GIGYF2: variants seen among roughly 807,000 people sequenced by gnomAD.
The protein encoded by GIGYF2 is GRB10-interacting GYF protein 2.
In GIGYF2, 25 loss-of-function variants were observed where a neutral mutation model predicts 208.1. The observed-to-expected ratio is 0.12, with a 90% CI of 0.09 to 0.17. The LOEUF (loss-of-function observed/expected upper bound fraction) is 0.17. Among genes scored for constraint, GIGYF2 ranks in the 10% least tolerant of loss-of-function variants. GIGYF2 has a pLI of 1.00. For missense variants in GIGYF2, 1,302 were observed against 1,579.4 expected (o/e 0.82, Z 2.98); for synonymous variants, 534 against 543.8 (o/e 0.98, Z 0.25).
At chr2:232,781,544 T>G (rs1314784833) in intron 8 of GIGYF2, among the ~76,000 whole-genome samples, 1 of 152,212 alleles carries the variant, frequency 6.6e-6, no homozygotes. Context: ...ATTTTTATAT[T>G]GAAGAAGTTG....
chr2:232,819,676 CT>C, intron 20 of GIGYF2, 150 bp from the exon 21 acceptor site: 1 of 603,476 alleles, frequency 1.7e-6, no homozygotes, highest in Non-Finnish European at 3.0e-6. Context: ...TACATGTATA[CT>C]TTTTACTCCA....
At chr2:232,814,577 C>T (rs78894363) in intron 18 of GIGYF2, among the ~76,000 whole-genome samples, 1 of 130,012 alleles carries the variant, frequency 7.7e-6, no homozygotes, top group Admixed American at 7.7e-5. Context: ...CCCCCCCCCC[C>T]AAAAAAAAAG....
At chr2:232,760,322 T>C (rs1313618829) in intron 6 of GIGYF2, 158 bp from the exon 7 acceptor site, 2 of 632,286 alleles carry the variant, frequency 3.2e-6, no homozygotes, top group Non-Finnish European at 5.7e-6. Context: ...AATGCCATTG[T>C]TGGTCTCATA....
intron 8 of GIGYF2, among the ~76,000 whole-genome samples, chr2:232,779,265 T>C (rs996464045): frequency 1.3e-5 from 2 of 152,230 alleles, no homozygotes; most frequent in African/African-American, 4.8e-5. Flanking sequence ...CATAGATTGA[T>C]GGATTGTGTC....
chr2:232,856,583 T>G (rs1690581121), intron 28 of GIGYF2, among the ~76,000 whole-genome samples: 1 of 152,036 alleles, frequency 6.6e-6, no homozygotes, highest in Admixed American at 6.6e-5. Context: ...ATCCAGCTAC[T>G]TGGGAGTCTA....
At chr2:232,732,023 T>C (rs985785944) in intron 2 of GIGYF2, among the ~76,000 whole-genome samples, 3 of 152,142 alleles carry the variant, frequency 2.0e-5, no homozygotes, top group African/African-American at 7.2e-5. Flanking sequence ...GTATTTAGAG[T>C]CTGACTTTTC....
At chr2:232,746,043 A>C (rs1328289179) in intron 3 of GIGYF2, among the ~76,000 whole-genome samples, 1 of 152,130 alleles carries the variant, frequency 6.6e-6, no homozygotes, top group African/African-American at 2.4e-5. Context: ...GGATTGCTTG[A>C]GGCCCAGAGT....
intron 5 of GIGYF2, among the ~76,000 whole-genome samples, chr2:232,755,186 T>G (rs532970768): frequency 2.0e-5 from 3 of 152,322 alleles, no homozygotes; most frequent in Admixed American, 6.5e-5. Flanking sequence ...TTTCTGTTTT[T>G]TTGAGACGGA....
At position 232,819,692 on chromosome 2, in the gene GIGYF2, A is replaced by G. The variant is rs2305141; in HGVS notation, c.2371-135A>G. The G allele has an allele frequency of 0.63, 386,760 of 618,040 alleles. 124,374 individuals are homozygous for G. The highest frequency in any genetic ancestry group is 0.75 in the African/African-American group (39,695 of 52,740). 38.3% of individuals were successfully genotyped at this position (618,040 alleles called of 1,614,324 possible). On this transcript the variant is annotated intron_variant, in intron 20 of 28. Coordinates refer to ENST00000373563, the MANE Select transcript of GIGYF2 (RefSeq NM_001103146.3). The stretch of plus-strand genomic sequence containing the variant: ...ACATGTATACTTTTTACTCCAGATC[A>G]TGATTACTTTTATGTTTACTGTTTA...
rs921164690 is a variant in GIGYF2 at position 232,784,492 on chromosome 2, C to A, written c.533-2658C>A. ...GCAAGCTCCACCTCCCAGGTTCATG[C>A]CATTCTCCTGCCTCAGCCTCCTGAG... is the stretch of plus-strand genomic sequence containing the variant. On this transcript the variant is annotated intron_variant, in intron 8 of 28. Transcript: ENST00000373563. Among the ~76,000 whole-genome samples the A allele has an allele frequency of 4.5e-5, 6 of 134,510 alleles. No individual in the cohort carries two copies. The South Asian group carries it at 1.3e-3, about 29-fold the overall frequency. 88.2% of individuals were successfully genotyped at this position (134,510 alleles called of 152,430 possible).
At chr2:232,753,581 T>A (rs564431022) in intron 5 of GIGYF2, among the ~76,000 whole-genome samples, 2 of 152,114 alleles carry the variant, frequency 1.3e-5, no homozygotes, top group Non-Finnish European at 2.9e-5. Flanking sequence ...AACCTAAGCA[T>A]CTAAGAGATA....
At position 232,757,196 on chromosome 2, in the gene GIGYF2, A is replaced by G. The variant is rs761051689; in HGVS notation, c.379+862A>G. Among the ~76,000 whole-genome samples, 38 of 151,638 alleles carry G rather than the reference A, an allele frequency of 2.5e-4. 1 individual carries two copies. The highest frequency in any genetic ancestry group is 3.5e-4 in the Non-Finnish European group (24 of 67,952). ...TATCTACAGTCTCTCTAGAAAATGC[A>G]TTCAATTGTGCATTCCTGGGAAGAG... On this transcript the variant is annotated intron_variant, in intron 6 of 28. Coordinates refer to ENST00000373563, the MANE Select transcript of GIGYF2 (RefSeq NM_001103146.3).
At position 232,858,412 on chromosome 2, in the gene GIGYF2, C is replaced by A; in HGVS notation, c.*1552C>A. ...ATGTGTAATAACTATACAGAGACTG[C>A]TACAAAATTGTATATAGTTTTTGGA... On this transcript the variant is annotated 3_prime_UTR_variant, in exon 29 of 29. Transcript: ENST00000373563. The A allele has an allele frequency of 2.2e-6, 1 of 446,654 alleles. No individual in the cohort carries two copies. Among genetic ancestry groups the A allele is most frequent in the South Asian group, 1.6e-5 (1 of 62,480 alleles). The allele number at this position is 446,654 out of a possible 1,614,324, so 27.7% of individuals were successfully genotyped here.
At chr2:232,843,220 CAT>C (rs1391460522) in intron 23 of GIGYF2, among the ~76,000 whole-genome samples, 15 of 146,724 alleles carry the variant, frequency 1.0e-4, no homozygotes, top group African/African-American at 2.5e-4. Context: ...AGGAAGTAAA[CAT>C]GTGTTTTATT....
intron 26 of GIGYF2, among the ~76,000 whole-genome samples, chr2:232,847,063 A>G (rs1702028979): frequency 6.6e-6 from 1 of 152,240 alleles, no homozygotes; most frequent in South Asian, 2.1e-4. Flanking sequence ...TTCTTAAGGA[A>G]AGAATGAATC....
chr2:232,835,297 T>C (rs758436874), intron 22 of GIGYF2, among the ~76,000 whole-genome samples: 22 of 152,206 alleles, frequency 1.4e-4, no homozygotes, highest in Admixed American at 6.5e-4. Context: ...AATTTCCTTT[T>C]GGTTTTTTAA....
intron 21 of GIGYF2, among the ~76,000 whole-genome samples, chr2:232,827,390 G>T (rs60532570): frequency 0.079 from 12,020 of 152,174 alleles, 602 homozygotes; most frequent in East Asian, 0.17. Flanking sequence ...AGAGTTCACC[G>T]TTGAGACCAT....
At chr2:232,708,523 A>G (rs1181297769) in intron 2 of GIGYF2, among the ~76,000 whole-genome samples, 1 of 152,122 alleles carries the variant, frequency 6.6e-6, no homozygotes, top group Non-Finnish European at 1.5e-5. Context: ...GCTTTTGAAC[A>G]GAGAGATGTG....
At chr2:232,718,212 C>T (rs1282035784) in intron 2 of GIGYF2, among the ~76,000 whole-genome samples, 1 of 152,154 alleles carries the variant, frequency 6.6e-6, no homozygotes, top group African/African-American at 2.4e-5. Context: ...GTTCTCCTGT[C>T]TCAGCCTCCC....
Sources: allele counts gnomAD v4.1 joint callset (sites outside exome capture counted in the v4.1 genomes callset), GRCh38; gene constraint gnomAD v4.1.1; transcripts MANE v1.5; gene names NCBI Gene and HGNC (gene_info 2026-07-23, HGNC 2026-07-21).